The following ANO9 variants were observed in gnomAD, a reference collection of about 807,000 sequenced individuals.
The protein encoded by ANO9 is anoctamin-9.
ANO9 carries 80 observed loss-of-function variants against 100.5 expected under a neutral mutation model. That is an observed-to-expected ratio of 0.80 (90% CI 0.66 to 0.96). The LOEUF is 0.96. Among genes scored for constraint, ANO9 ranks in the 40% least tolerant of loss-of-function variants. ANO9 has a pLI of 0.00. For synonymous variants in ANO9, 473 were observed against 435.6 expected (o/e 1.09, Z -1.07); for missense variants, 1,064 against 1,072.7 (o/e 0.99, Z 0.11).
At chr11:420,384 T>C in intron 19 of ANO9, 79 bp downstream of exon 19, 1 of 1,548,974 alleles carries the variant, frequency 6.5e-7, no homozygotes, top group Non-Finnish European at 8.7e-7. Flanking sequence ...TTTTTCCAGG[T>C]GAGCCGGCCT....
rs1481498406 is a variant in ANO9 at position 430,188 on chromosome 11, G to T, written c.675-9C>A. ...CCTCACAGATCTCCTTGCTGAAGGGGCAGGGATGAGGCTGGGGTCGGCTCC... is the reference window on the plus strand; with the variant it reads ...CCTCACAGATCTCCTTGCTGAAGGGTCAGGGATGAGGCTGGGGTCGGCTCC... On this transcript the variant is annotated splice_polypyrimidine_tract_variant and intron_variant, in intron 8 of 22. Transcript: ENST00000332826. The T allele has an allele frequency of 2.6e-6, 4 of 1,550,928 alleles. No individual in the cohort carries two copies. Among genetic ancestry groups the T allele is most frequent in the East Asian group, 2.4e-5 (1 of 40,884 alleles).
chr11:430,242 C>A, intron 8 of ANO9, 27 bp downstream of exon 8: 1 of 1,553,220 alleles, frequency 6.4e-7, no homozygotes, highest in Non-Finnish European at 8.7e-7. Flanking sequence ...CCCCGGCCCC[C>A]CATGCCCGGC....
chr11:420,831 C>T lies in ANO9; in HGVS notation c.1520G>A (p.Arg507Gln). The change falls in exon 18 of 23, where the codon CGG becomes CAG. Residue 507 changes from arginine (R) to glutamine (Q), a missense_variant. Arg to Gln is a conservative substitution (Grantham distance 43). Coordinates refer to ENST00000332826, the MANE Select transcript of ANO9 (RefSeq NM_001012302.3). ...PWVTHKCRSL[R>Q]ASESGHLPRD... The stretch of plus-strand genomic sequence containing the variant: ...GGGCAGGTGCCCGGACTCGGAGGCC[C>T]GCAGAGAGCGGCACTTGTGGGTCAC... The T allele has an allele frequency of 1.3e-6, 2 of 1,590,748 alleles. No homozygotes were observed. Among genetic ancestry groups the T allele is most frequent in the Non-Finnish European group, 1.7e-6 (2 of 1,172,494 alleles).
At chr11:441,772 C>T (rs1419398097) in intron 1 of ANO9, 149 bp downstream of exon 1, 3 of 1,277,786 alleles carry the variant, frequency 2.3e-6, no homozygotes, top group Non-Finnish European at 3.1e-6. Context: ...GGGCGGTCAC[C>T]CTCGCCTGAC....
At chr11:419,947 T>G (rs570378258) in intron 19 of ANO9, 1 of 1,408,356 alleles carries the variant, frequency 7.1e-7, no homozygotes, top group African/African-American at 1.5e-5. Flanking sequence ...GGGAGGAACC[T>G]GGGAATCCTC....
rs377467271 is a variant in ANO9, at chr11:428,467, G to C, written c.1185+8C>G. 6.2e-7 allele frequency: 1 copy of C among 1,612,364 alleles called. No homozygotes were observed. Among genetic ancestry groups the C allele is most frequent in the South Asian group, 1.1e-5 (1 of 91,056 alleles). ...CCCAGCTCGGGCCTGCCCTGCTCCC[G>C]GCCCCACCTTGGTCATGATGATGAT... On this transcript the variant is annotated splice_region_variant and intron_variant, in intron 13 of 22. Transcript: ENST00000332826.
intron 1 of ANO9, among the ~76,000 whole-genome samples, chr11:438,662 A>G (rs7481614): frequency 0.68 from 102,416 of 150,816 alleles, 34,960 homozygotes; most frequent in East Asian, 0.9. Context: ...CTACAGGACC[A>G]GGCCATCCAT....
intron 1 of ANO9, among the ~76,000 whole-genome samples, chr11:439,847 G>A (rs570476741): frequency 2.6e-5 from 4 of 152,024 alleles, no homozygotes; most frequent in Admixed American, 1.3e-4. Flanking sequence ...CCCTCCAGCT[G>A]TCCAGTCTGT....
chr11:436,153 C>T (rs924150480), intron 1 of ANO9, among the ~76,000 whole-genome samples: 47 of 149,520 alleles, frequency 3.1e-4, no homozygotes, highest in Non-Finnish European at 5.8e-4. Context: ...CTGTAACCTC[C>T]ACCTCCCAGG....
At chr11:438,171 T>C (rs1845520448) in intron 1 of ANO9, among the ~76,000 whole-genome samples, 1 of 151,916 alleles carries the variant, frequency 6.6e-6, no homozygotes, top group Non-Finnish European at 1.5e-5. Flanking sequence ...CCCTGGGGAA[T>C]GGGGTGCAAA....
At chr11:424,007 C>A (rs1848350785) in intron 15 of ANO9, among the ~76,000 whole-genome samples, 1 of 151,986 alleles carries the variant, frequency 6.6e-6, no homozygotes, top group South Asian at 2.1e-4. Context: ...CTCCTGGGTT[C>A]AAGTGATTCT....
intron 9 of ANO9, 121 bp from the exon 10 acceptor site, chr11:429,939 T>TGGGCTG: frequency 1.5e-5 from 1 of 66,534 alleles, no homozygotes. Flanking sequence ...AATGGGCGGG[T>TGGGCTG]GGGCTGGGGC....
chr11:431,779 G>A lies in ANO9; in HGVS notation c.466-12C>T. On this transcript the variant is annotated splice_polypyrimidine_tract_variant and intron_variant, in intron 6 of 22. Transcript: ENST00000332826. ...AGGCGTCCCTCCCCCTGGCTCGGGT[G>A]ACAGAGAGTGAGAGCCCCCATCCCA... 1 of 1,612,438 alleles carries A rather than the reference G, an allele frequency of 6.2e-7. No homozygotes were observed. The highest frequency in any genetic ancestry group is 8.5e-7 in the Non-Finnish European group (1 of 1,179,552).
chr11:433,056 G>T, intron 4 of ANO9: 1 of 496,070 alleles, frequency 2.0e-6, no homozygotes, highest in South Asian at 3.3e-5. Context: ...CTGTGACTGT[G>T]TCCCCAGGAA....
rs1847950439 is a variant in ANO9, at chr11:418,026, G to A, written c.*345C>T. ...AGGACACCCCCAACAGCCAGGATGGGGGCACGGCAGGATCTGGCGCCCAGA... is the reference window on the plus strand; with the variant it reads ...AGGACACCCCCAACAGCCAGGATGGAGGCACGGCAGGATCTGGCGCCCAGA... On this transcript the variant is annotated 3_prime_UTR_variant, in exon 23 of 23. Coordinates refer to ENST00000332826, the MANE Select transcript of ANO9 (RefSeq NM_001012302.3). 1 of 309,636 alleles carries A rather than the reference G, an allele frequency of 3.2e-6. No individual in the cohort carries two copies. The highest frequency in any genetic ancestry group is 2.2e-5 in the African/African-American group (1 of 46,216). 19.2% of individuals were successfully genotyped at this position (309,636 alleles called of 1,614,324 possible). A position where few individuals can be genotyped will look rare whatever the true frequency, so the allele number is the denominator to read the frequency against.
intron 15 of ANO9, among the ~76,000 whole-genome samples, chr11:426,447 C>T (rs1848526494): frequency 6.6e-6 from 1 of 152,050 alleles, no homozygotes; most frequent in Non-Finnish European, 1.5e-5. Context: ...GTGGCACATG[C>T]CTGTAGTCCC....
chr11:424,408 G>A (rs1848375537), intron 15 of ANO9, among the ~76,000 whole-genome samples: 1 of 152,220 alleles, frequency 6.6e-6, no homozygotes, highest in Non-Finnish European at 1.5e-5. Context: ...CCCACTGGCT[G>A]TGTGTCCTGG....
chr11:439,828 C>T (rs73385805), intron 1 of ANO9, among the ~76,000 whole-genome samples: 1,629 of 152,184 alleles, frequency 0.011, 35 homozygotes, highest in African/African-American at 0.038. Flanking sequence ...CTTCTGCCCA[C>T]CCCCCGGCCC....
In ANO9 at chr11:437,080, G is replaced by A. The variant is rs894994143; in HGVS notation, c.7-2982C>T. 3.4e-5 allele frequency among the ~76,000 whole-genome samples: 4 copies of A among 118,048 alleles called. 1 individual carries two copies. The highest frequency in any genetic ancestry group is 5.2e-5 in the Non-Finnish European group (3 of 57,248). The allele number at this position is 118,048 out of a possible 152,430, so 77.4% of individuals were successfully genotyped here. A position where few individuals can be genotyped will look rare whatever the true frequency, so the allele number is the denominator to read the frequency against. ...GAGCTGGGGGTGAATGTTCCCACCT[G>A]GGCTCCATGTCCCATCAGATCAGCG... On this transcript the variant is annotated intron_variant, in intron 1 of 22. Coordinates refer to ENST00000332826, the MANE Select transcript of ANO9 (RefSeq NM_001012302.3).
Sources: gnomAD v4.1 joint callset for allele counts (sites outside exome capture counted in the v4.1 genomes callset) on GRCh38, gnomAD v4.1.1 for gene constraint, MANE v1.5 for transcripts, NCBI Gene and HGNC (gene_info 2026-07-23, HGNC 2026-07-21) for gene names.